The following SLC4A10 variants were observed in gnomAD, a reference collection of about 807,000 sequenced individuals.
SLC4A10 encodes sodium-driven chloride bicarbonate exchanger.
SLC4A10 carries 42 observed loss-of-function variants against 137.7 expected under a neutral mutation model. That is an observed-to-expected ratio of 0.30 (90% CI 0.24 to 0.39). The LOEUF is 0.39. Among genes scored for constraint, SLC4A10 ranks in the 10% least tolerant of loss-of-function variants. The probability of loss-of-function intolerance (pLI) is 1.00; values close to 1 mark genes in which losing one functional copy is unlikely to be tolerated. For synonymous variants in SLC4A10, 474 were observed against 464.1 expected, an observed-to-expected ratio of 1.02 and a Z score of -0.27; for missense variants, 925 against 1,355.0, an observed-to-expected ratio of 0.68 and a Z score of 4.98.
intron 15 of SLC4A10, among the ~76,000 whole-genome samples, chr2:161,917,506 G>A (rs1687328200): frequency 6.6e-6 from 1 of 151,602 alleles, no homozygotes; most frequent in African/African-American, 2.4e-5. Context: ...CCCCTGAGGT[G>A]GAGGCTGCAG....
chr2:161,739,660 T>G (rs1372196770), intron 1 of SLC4A10, among the ~76,000 whole-genome samples: 1 of 152,148 alleles, frequency 6.6e-6, no homozygotes, highest in Non-Finnish European at 1.5e-5. Flanking sequence ...CTACCAACTG[T>G]GTTTAGGGCT....
chr2:161,674,114 A>T (rs2040032036), intron 1 of SLC4A10, among the ~76,000 whole-genome samples: 1 of 152,232 alleles, frequency 6.6e-6, no homozygotes. Flanking sequence ...TGCTTGTAAG[A>T]ATCATTAATT....
chr2:161,828,562 T>A (rs920093747), intron 3 of SLC4A10, among the ~76,000 whole-genome samples: 1 of 147,620 alleles, frequency 6.8e-6, no homozygotes, highest in African/African-American at 2.5e-5. Flanking sequence ...AATATATACA[T>A]ATTATTTACC....
At chr2:161,731,070 C>A (rs1466148786) in intron 1 of SLC4A10, among the ~76,000 whole-genome samples, 1 of 152,096 alleles carries the variant, frequency 6.6e-6, no homozygotes, top group Non-Finnish European at 1.5e-5. Flanking sequence ...AACAATCCAA[C>A]AACGACTTCA....
intron 2 of SLC4A10, among the ~76,000 whole-genome samples, chr2:161,796,464 A>G (rs910090692): frequency 1.3e-5 from 2 of 152,296 alleles, no homozygotes; most frequent in Non-Finnish European, 2.9e-5. Flanking sequence ...TAGGCTGGGC[A>G]TGTTTACATG....
chr2:161,909,873 A>G (rs1685412854), intron 15 of SLC4A10, among the ~76,000 whole-genome samples: 1 of 152,162 alleles, frequency 6.6e-6, no homozygotes. Context: ...TGACACTTTT[A>G]GTGGCTTTCT....
At chr2:161,704,376 G>T (rs913757492) in intron 1 of SLC4A10, among the ~76,000 whole-genome samples, 1 of 151,656 alleles carries the variant, frequency 6.6e-6, no homozygotes, top group African/African-American at 2.4e-5. Context: ...GTCAATGAAA[G>T]TAGATTTGAA....
At chr2:161,836,947 A>G (rs1007292821) in intron 3 of SLC4A10, among the ~76,000 whole-genome samples, 5 of 152,204 alleles carry the variant, frequency 3.3e-5, no homozygotes, top group Non-Finnish European at 5.9e-5. Context: ...TTCTATATCC[A>G]CTGACATATT....
At chr2:161,885,543 T>C (rs2062195336) in intron 10 of SLC4A10, among the ~76,000 whole-genome samples, 1 of 152,180 alleles carries the variant, frequency 6.6e-6, no homozygotes, top group Non-Finnish European at 1.5e-5. Flanking sequence ...AGAACATGAA[T>C]CAATTACTGA....
chr2:161,976,537 T>C (rs1001082344), intron 24 of SLC4A10, among the ~76,000 whole-genome samples: 2 of 152,192 alleles, frequency 1.3e-5, no homozygotes, highest in African/African-American at 4.8e-5. Flanking sequence ...TGGATGGTGG[T>C]GATGGTTGCA....
intron 4 of SLC4A10, among the ~76,000 whole-genome samples, chr2:161,850,585 A>G (rs2059771487): frequency 6.6e-6 from 1 of 151,726 alleles, no homozygotes; most frequent in African/African-American, 2.4e-5. Context: ...GATTGTGTTT[A>G]TCTTTATCTT....
rs866395225 is a variant in SLC4A10 at position 161,640,797 on chromosome 2, C to T, written c.48+16231C>T. Among the ~76,000 whole-genome samples, 7 of 152,194 alleles carry T rather than the reference C, an allele frequency of 4.6e-5. No individual in the cohort carries two copies. The South Asian group carries it at 1.5e-3, about 32-fold the overall frequency. On this transcript the variant is annotated intron_variant, in intron 1 of 26. Transcript: ENST00000446997. ...CCTCCTACCTCAGCCTCCCAAGTAG[C>T]TGGAACTGCAGGCACACACCACCCT...
At chr2:161,795,727 G>T (rs1019918718) in intron 2 of SLC4A10, among the ~76,000 whole-genome samples, 1 of 152,094 alleles carries the variant, frequency 6.6e-6, no homozygotes, top group Non-Finnish European at 1.5e-5. Flanking sequence ...TTATTTGTAA[G>T]TTGGGGAAAA....
intron 1 of SLC4A10, among the ~76,000 whole-genome samples, chr2:161,626,456 A>C (rs1280348226): frequency 1.3e-5 from 2 of 152,152 alleles, no homozygotes; most frequent in Non-Finnish European, 2.9e-5. Flanking sequence ...AAAAGTTTGC[A>C]TGTCATGGGG....
At chr2:161,973,080 G>A (rs1432116363) in intron 23 of SLC4A10, among the ~76,000 whole-genome samples, 1 of 152,138 alleles carries the variant, frequency 6.6e-6, no homozygotes, top group East Asian at 1.9e-4. Flanking sequence ...CGGAAGCTGG[G>A]TCAGGCCAGC....
intron 1 of SLC4A10, among the ~76,000 whole-genome samples, chr2:161,733,828 G>A (rs967231054): frequency 6.6e-6 from 1 of 152,182 alleles, no homozygotes; most frequent in African/African-American, 2.4e-5. Context: ...CAAGACTATG[G>A]GAACCTACCT....
intron 2 of SLC4A10, among the ~76,000 whole-genome samples, chr2:161,791,337 G>A (rs1243173830): frequency 6.6e-6 from 1 of 152,138 alleles, no homozygotes. Flanking sequence ...GGAACTGGAA[G>A]CCATTACCCT....
At chr2:161,916,331 T>G (rs1351351876) in intron 15 of SLC4A10, among the ~76,000 whole-genome samples, 1 of 152,228 alleles carries the variant, frequency 6.6e-6, no homozygotes, top group Non-Finnish European at 1.5e-5. Context: ...ATTCCCTTTT[T>G]CACACATCCA....
chr2:161,627,743 G>C (rs2032717380), intron 1 of SLC4A10, among the ~76,000 whole-genome samples: 1 of 152,100 alleles, frequency 6.6e-6, no homozygotes, highest in South Asian at 2.1e-4. Flanking sequence ...CACTCTTGTT[G>C]GCTAAGTGTA....
Sources: allele counts gnomAD v4.1 joint callset (sites outside exome capture counted in the v4.1 genomes callset), GRCh38; gene constraint gnomAD v4.1.1; transcripts MANE v1.5; gene names NCBI Gene and HGNC (gene_info 2026-07-23, HGNC 2026-07-21).